PRKAR1B: variants seen among roughly 807,000 people sequenced by gnomAD.
PRKAR1B encodes cAMP-dependent protein kinase type I-beta regulatory subunit.
PRKAR1B carries 22 observed loss-of-function variants against 46.5 expected under a neutral mutation model. That is an observed-to-expected ratio of 0.47 (90% CI 0.34 to 0.68). PRKAR1B has a LOEUF of 0.68. PRKAR1B is among the 30% of genes least tolerant of loss of function. PRKAR1B has a pLI of 0.01. For synonymous variants in PRKAR1B, 259 were observed against 217.7 expected (o/e 1.19, Z -1.67); for missense variants, 445 against 535.6 (o/e 0.83, Z 1.67).
At chr7:727,754 G>A (rs1480251632), upstream of PRKAR1B, 1 of 98,924 alleles carries the variant, frequency 1.0e-5, no homozygotes, top group African/African-American at 4.3e-5. Flanking sequence ...TGCCTATCCT[G>A]TGCCATCCTC....
At chr7:636,784 T>TG (rs1481355311) in intron 4 of PRKAR1B, among the ~76,000 whole-genome samples, 1 of 152,228 alleles carries the variant, frequency 6.6e-6, no homozygotes, top group Non-Finnish European at 1.5e-5. Context: ...TCTCTGCACC[T>TG]GCACGCCCCT....
intron 6 of PRKAR1B, among the ~76,000 whole-genome samples, chr7:603,956 G>C (rs1229866434): frequency 6.6e-6 from 1 of 152,096 alleles, no homozygotes; most frequent in Non-Finnish European, 1.5e-5. Flanking sequence ...ATTTGGGGCT[G>C]GGATAAAGCG....
intron 2 of PRKAR1B, among the ~76,000 whole-genome samples, chr7:699,625 G>A (rs1433597366): frequency 2.0e-5 from 3 of 152,184 alleles, no homozygotes; most frequent in Non-Finnish European, 4.4e-5. Context: ...GGGTCGTGGT[G>A]AGAGGCTCTC....
At chr7:618,720 C>T (rs1049656437) in intron 4 of PRKAR1B, among the ~76,000 whole-genome samples, 5 of 152,186 alleles carry the variant, frequency 3.3e-5, no homozygotes, top group African/African-American at 1.2e-4. Context: ...TGTAAACTTC[C>T]TGTTCATATC....
At chr7:664,730 C>T (rs1052427592) in intron 4 of PRKAR1B, among the ~76,000 whole-genome samples, 6 of 151,046 alleles carry the variant, frequency 4.0e-5, no homozygotes, top group East Asian at 2.0e-4. Flanking sequence ...GGCAACACAG[C>T]GAGACTCTGT....
chr7:605,482 G>A (rs150810220), intron 6 of PRKAR1B, among the ~76,000 whole-genome samples: 91 of 152,330 alleles, frequency 6.0e-4, no homozygotes, highest in East Asian at 1.7e-3. Context: ...ACTGGGCTGC[G>A]GGGCCAGGGG....
At chr7:568,871 C>T (rs755828326) in intron 9 of PRKAR1B, among the ~76,000 whole-genome samples, 6 of 151,964 alleles carry the variant, frequency 3.9e-5, no homozygotes, top group Non-Finnish European at 8.8e-5. Flanking sequence ...AACGCCTGCG[C>T]GGCGGTGCCC....
At chr7:705,443 G>A (rs1009112100) in intron 2 of PRKAR1B, among the ~76,000 whole-genome samples, 6 of 151,928 alleles carry the variant, frequency 3.9e-5, no homozygotes, top group African/African-American at 9.7e-5. Context: ...CGGCTGCTTG[G>A]AACACGAGAT....
chr7:592,585 C>G (rs911820850), intron 7 of PRKAR1B, among the ~76,000 whole-genome samples: 1 of 152,252 alleles, frequency 6.6e-6, no homozygotes, highest in Non-Finnish European at 1.5e-5. Context: ...GAGGGTCCAA[C>G]CTCCACCAAA....
At chr7:726,985 G>A in intron 1 of PRKAR1B, 3 of 1,271,048 alleles carry the variant, frequency 2.4e-6, no homozygotes, top group African/African-American at 1.6e-5. Context: ...GAGCGACCCC[G>A]CCGAGGGCTG....
At chr7:715,917 G>T (rs532741941) in intron 1 of PRKAR1B, among the ~76,000 whole-genome samples, 1 of 152,152 alleles carries the variant, frequency 6.6e-6, no homozygotes, top group Non-Finnish European at 1.5e-5. Flanking sequence ...GGGTTTCACC[G>T]TGTTAGCCAG....
chr7:637,036 A>G (rs1784149864), intron 4 of PRKAR1B, among the ~76,000 whole-genome samples: 1 of 152,220 alleles, frequency 6.6e-6, no homozygotes, highest in Non-Finnish European at 1.5e-5. Flanking sequence ...ACCTAATCCC[A>G]GCACTTTGGG....
In PRKAR1B at chr7:600,995, G is replaced by A. The variant is rs149451497; in HGVS notation, c.550-4691C>T. On this transcript the variant is annotated intron_variant, in intron 6 of 10. Transcript: ENST00000537384. ...ATTCAAACTGAACCTGGTGCTCTTG[G>A]CATTTTGTCACCTGGCCGTCCCCCT... 2.0e-5 allele frequency among the ~76,000 whole-genome samples: 3 copies of A among 152,334 alleles called. No homozygotes were observed. The East Asian group carries it at 5.8e-4, about 29-fold the overall frequency.
rs1405450607 is a variant in PRKAR1B at position 629,444 on chromosome 7, G to A, written c.441-21992C>T. 9.1e-5 allele frequency among the ~76,000 whole-genome samples: 11 copies of A among 120,436 alleles called. No individual in the cohort carries two copies. In the East Asian group the frequency reaches 2.9e-3, roughly 32 times the overall value. 79.0% of individuals were successfully genotyped at this position (120,436 alleles called of 152,430 possible). On this transcript the variant is annotated intron_variant, in intron 4 of 10. Coordinates refer to ENST00000537384, the MANE Select transcript of PRKAR1B (RefSeq NM_001164760.2). ...GAAAACGCTGCAGGAGCGGGGCCAC[G>A]GCCTCCGAGGGCGCCACCACCCCAG... is the stretch of plus-strand genomic sequence containing the variant.
chr7:626,308 A>G (rs1014923500), intron 4 of PRKAR1B, among the ~76,000 whole-genome samples: 1 of 152,188 alleles, frequency 6.6e-6, no homozygotes, highest in African/African-American at 2.4e-5. Flanking sequence ...CCTGGGCAAC[A>G]TAGCAATACC....
At chr7:710,890 C>T (rs575772475) in intron 2 of PRKAR1B, among the ~76,000 whole-genome samples, 7 of 152,184 alleles carry the variant, frequency 4.6e-5, no homozygotes, top group South Asian at 2.1e-4. Context: ...GTGATCTGCC[C>T]GCCTCGGCCT....
chr7:675,780 T>C (rs1012535935), intron 4 of PRKAR1B, among the ~76,000 whole-genome samples: 5 of 152,084 alleles, frequency 3.3e-5, no homozygotes, highest in Non-Finnish European at 5.9e-5. Context: ...AACCCATCTC[T>C]ACTAAAAATG....
intron 9 of PRKAR1B, among the ~76,000 whole-genome samples, chr7:557,597 G>A (rs1778525457): frequency 6.6e-6 from 1 of 152,158 alleles, no homozygotes; most frequent in Non-Finnish European, 1.5e-5. Flanking sequence ...AGGGGCAGGG[G>A]TGCCGACCTC....
intron 9 of PRKAR1B, among the ~76,000 whole-genome samples, chr7:562,532 G>A (rs1778866856): frequency 6.6e-6 from 1 of 152,170 alleles, no homozygotes; most frequent in Admixed American, 6.5e-5. Context: ...AGCCTGGAAC[G>A]CGTCCCTTCC....
Sources: gnomAD v4.1 joint callset for allele counts (sites outside exome capture counted in the v4.1 genomes callset) on GRCh38, gnomAD v4.1.1 for gene constraint, MANE v1.5 for transcripts, NCBI Gene and HGNC (gene_info 2026-07-23, HGNC 2026-07-21) for gene names.